ACVR1: variants seen among roughly 807,000 people sequenced by gnomAD.
The protein encoded by ACVR1 is activin receptor type-1.
ACVR1 carries 38 observed loss-of-function variants against 57.1 expected under a neutral mutation model. The ratio of observed to expected loss-of-function variants is 0.67; its 90% CI spans 0.51 to 0.87. The LOEUF is 0.87. Ranked by LOEUF, ACVR1 falls within the 40% of genes least tolerant of loss-of-function variation. ACVR1 has a pLI of 0.00. For synonymous variants in ACVR1, 212 were observed against 228.1 expected, an observed-to-expected ratio of 0.93 and a Z score of 0.63; for missense variants, 463 against 638.2, an observed-to-expected ratio of 0.73 and a Z score of 2.96.
chr2:157,738,701 A>G (rs1684635568), intron 9 of ACVR1, 131 bp from the exon 10 acceptor site: 5 of 1,382,954 alleles, frequency 3.6e-6, no homozygotes, highest in South Asian at 1.2e-5. Context: ...ACCTCAGGGC[A>G]GTCCTGGAAG....
In ACVR1 at chr2:157,737,664, G is replaced by C. The variant is rs754926966; in HGVS notation, c.1397C>G (p.Thr466Arg). The C allele has an allele frequency of 2.5e-6, 4 of 1,614,114 alleles. No individual in the cohort carries two copies. Among genetic ancestry groups the C allele is most frequent in the Non-Finnish European group, 3.4e-6 (4 of 1,179,962 alleles). Residue 466 changes from threonine to arginine, a missense_variant and splice_region_variant, in exon 11 of 11, where the codon ACA becomes AGA. This residue lies in a region of ACVR1 where 146 missense variants were observed against 186.6 expected (regional missense o/e 0.78). Transcript: ENST00000434821. ...CATTAGCTTGGCCAGAGAGGTTAAT[G>C]TCTGAGGAGAGAAAGAACAAACACC... Reference protein sequence around the residue: ...NIPNRWFSDPTLTSLAKLMKE... With the variant: ...NIPNRWFSDPRLTSLAKLMKE...
At chr2:157,858,039 T>TAAA (rs909058759) in intron 1 of ACVR1, among the ~76,000 whole-genome samples, 1 of 144,580 alleles carries the variant, frequency 6.9e-6, no homozygotes, top group African/African-American at 2.5e-5. Flanking sequence ...AGTAAAAACT[T>TAAA]AAAAAAAAAA....
At chr2:157,816,413 G>C (rs994581856) in intron 2 of ACVR1, among the ~76,000 whole-genome samples, 3 of 148,336 alleles carry the variant, frequency 2.0e-5, no homozygotes, top group Admixed American at 6.7e-5. Context: ...GTGAGACTCT[G>C]TCTCCAAAAA....
rs56189710 is a variant in ACVR1, at chr2:157,761,013, G to A, written c.1131C>T (p.Gly377=). 3.7e-3 allele frequency: 6,042 copies of A among 1,614,094 alleles called. 128 individuals carry two copies. In the African/African-American group the frequency reaches 0.061, roughly 16 times the overall value. ...QLDVGNNPRV[G]TKRYMAPEVL... is the part of the protein sequence containing the mutation. ...CTTCGGGGGCCATGTAGCGCTTGGT[G>A]CCCACACGGGGATTGTTCCCCACAT... is the stretch of plus-strand genomic sequence containing the variant. Residue 377 remains glycine, a synonymous_variant, in exon 9 of 11, where the codon GGC becomes GGT. Transcript: ENST00000434821.
intron 2 of ACVR1, among the ~76,000 whole-genome samples, chr2:157,814,355 C>T (rs756138803): frequency 8.5e-5 from 13 of 152,100 alleles, no homozygotes; most frequent in South Asian, 2.1e-4. Flanking sequence ...ATAAAAGTGG[C>T]TTTTAAACTT....
Position 157,800,227 on chromosome 2 carries a change from G to C in ACVR1, c.-7-727C>G, listed in dbSNP as rs138088368. Reference sequence around the variant, plus strand: ...TGGATGGTAAAATAAACAAAAAGCTGGTAAAGTTCTTTAATGATAGGTTAG... The same window carrying C: ...TGGATGGTAAAATAAACAAAAAGCTCGTAAAGTTCTTTAATGATAGGTTAG... On this transcript the variant is annotated intron_variant, in intron 2 of 10. Transcript: ENST00000434821. 2.6e-4 allele frequency among the ~76,000 whole-genome samples: 40 copies of C among 152,250 alleles called. No homozygotes were observed. In the East Asian group the frequency reaches 7.1e-3, roughly 27 times the overall value.
intron 8 of ACVR1, among the ~76,000 whole-genome samples, chr2:157,763,022 C>T (rs891228366): frequency 6.6e-6 from 1 of 152,124 alleles, no homozygotes; most frequent in Non-Finnish European, 1.5e-5. Flanking sequence ...TTTTAAGATG[C>T]TAAATTTTAC....
intron 1 of ACVR1, among the ~76,000 whole-genome samples, chr2:157,849,380 T>G (rs542323690): frequency 2.1e-3 from 317 of 152,356 alleles, no homozygotes; most frequent in African/African-American, 7.2e-3. Flanking sequence ...AAATTATAAA[T>G]TATTTTTTAA....
At chr2:157,764,168 A>G (rs1023313317) in intron 8 of ACVR1, among the ~76,000 whole-genome samples, 2 of 151,970 alleles carry the variant, frequency 1.3e-5, no homozygotes, top group African/African-American at 4.8e-5. Flanking sequence ...TTACATGAGT[A>G]ATATATGATC....
chr2:157,736,886 T>C lies in ACVR1; in HGVS notation c.*645A>G, dbSNP rs570500098. The C allele has an allele frequency of 3.1e-6, 1 of 322,590 alleles. No homozygotes were observed. The highest frequency in any genetic ancestry group is 1.5e-4 in the South Asian group (1 of 6,824). The allele number at this position is 322,590 out of a possible 1,614,324, so 20.0% of individuals were successfully genotyped here. ...AACTACTAAGTGCACAAGTAATAAA[T>C]AATTTGCAAAGTTGTGTATAAACAA... On this transcript the variant is annotated 3_prime_UTR_variant, in exon 11 of 11. Coordinates refer to ENST00000434821, the MANE Select transcript of ACVR1 (RefSeq NM_001111067.4).
intron 1 of ACVR1, among the ~76,000 whole-genome samples, chr2:157,858,123 G>A (rs187862761): frequency 2.6e-5 from 4 of 151,624 alleles, no homozygotes; most frequent in African/African-American, 7.3e-5. Context: ...CTAAACTTAC[G>A]AACACTACTA....
intron 1 of ACVR1, among the ~76,000 whole-genome samples, chr2:157,834,007 C>A (rs956450193): frequency 1.1e-3 from 162 of 152,334 alleles, no homozygotes; most frequent in African/African-American, 3.6e-3. Context: ...TGGTTTAACA[C>A]AACCATGAGG....
chr2:157,770,132 A>C (rs896055134), intron 7 of ACVR1, among the ~76,000 whole-genome samples: 2 of 152,236 alleles, frequency 1.3e-5, no homozygotes, highest in Admixed American at 6.5e-5. Context: ...AGATGTAGGA[A>C]TAAGAATTAG....
At position 157,738,475 on chromosome 2, in the gene ACVR1, T is replaced by C. The variant is rs148153887; in HGVS notation, c.1360A>G (p.Arg454Gly). Residue 454 changes from arginine to glycine, a missense_variant, in exon 10 of 11, where the codon AGG becomes GGG. By Grantham distance (125) the Arg-to-Gly change is moderately radical. Around this residue, in one of 3 missense-constraint regions of ACVR1, gnomAD observed 146 missense variants for 186.6 expected, o/e 0.78. Transcript: ENST00000434821. ...AACCATCTGTTGGGTATGTTTGGCC[T>C]TTGTTGATCCACACAGACTACCTTC... ...MRKVVCVDQQ[R>G]PNIPNRWFSD... 3 of 1,614,008 alleles carry C rather than the reference T, an allele frequency of 1.9e-6. No individual in the cohort carries two copies. The highest frequency in any genetic ancestry group is 2.5e-6 in the Non-Finnish European group (3 of 1,179,938).
intron 2 of ACVR1, among the ~76,000 whole-genome samples, chr2:157,811,350 A>C (rs1460884850): frequency 2.0e-5 from 3 of 152,038 alleles, no homozygotes; most frequent in African/African-American, 7.2e-5. Context: ...GAAATCACCC[A>C]TTCTTTAGTC....
intron 1 of ACVR1, among the ~76,000 whole-genome samples, chr2:157,835,828 A>G (rs1688764839): frequency 6.6e-6 from 1 of 152,242 alleles, no homozygotes; most frequent in Admixed American, 6.5e-5. Context: ...TATGCAGATT[A>G]CATCCTCCAA....
chr2:157,761,043 C>G lies in ACVR1; in HGVS notation c.1101G>C (p.Gln367His). ...LAVMHSQSTN[Q>H]LDVGNNPRVG... ...CACGGGGATTGTTCCCCACATCAAG[C>G]TGATTGGTGCTCTGGGAATGCATGA... Residue 367 changes from glutamine (Q) to histidine (H), a missense_variant, in exon 9 of 11, where the codon CAG (glutamine) becomes CAC (histidine). Around this residue, in one of 3 missense-constraint regions of ACVR1, gnomAD observed 146 missense variants for 186.6 expected, o/e 0.78. Coordinates refer to ENST00000434821, the MANE Select transcript of ACVR1 (RefSeq NM_001111067.4). 6.2e-7 allele frequency: 1 copy of G among 1,614,100 alleles called. No individual in the cohort carries two copies. The highest frequency in any genetic ancestry group is 8.5e-7 in the Non-Finnish European group (1 of 1,179,994).
intron 3 of ACVR1, among the ~76,000 whole-genome samples, chr2:157,786,005 C>A (rs114679253): frequency 6.6e-6 from 1 of 152,126 alleles, no homozygotes; most frequent in East Asian, 1.9e-4. Flanking sequence ...TCTTAAAAGA[C>A]CTCTTCTTCC....
intron 2 of ACVR1, among the ~76,000 whole-genome samples, chr2:157,814,179 G>C (rs1338657086): frequency 1.3e-5 from 2 of 152,126 alleles, no homozygotes; most frequent in African/African-American, 4.8e-5. Flanking sequence ...GCACAACAAA[G>C]TAATAATTAT....
Sources: allele counts gnomAD v4.1 joint callset (sites outside exome capture counted in the v4.1 genomes callset), GRCh38; gene constraint gnomAD v4.1.1; regional missense constraint gnomAD v4.1.1; transcripts MANE v1.5; gene names NCBI Gene and HGNC (gene_info 2026-07-23, HGNC 2026-07-21).